SLC16A7: variants seen among roughly 807,000 people sequenced by gnomAD.
SLC16A7 encodes the protein monocarboxylate transporter 2.
In SLC16A7, 33 loss-of-function variants were observed where a neutral mutation model predicts 34.9. The observed-to-expected ratio is 0.94, with a 90% confidence interval of 0.72 to 1.26. The LOEUF is 1.26. Ranked by LOEUF, SLC16A7 falls within the 50% of genes most tolerant of loss-of-function variation. The pLI is 0.00. For missense variants in SLC16A7, 573 were observed against 578.1 expected, an observed-to-expected ratio of 0.99 and a Z score of 0.09; for synonymous variants, 201 against 206.6, an observed-to-expected ratio of 0.97 and a Z score of 0.23.
rs1165617996 is a variant in SLC16A7 at position 59,775,470 on chromosome 12, T to C, written c.1175T>C (p.Leu392Pro). 1.2e-6 allele frequency: 2 copies of C among 1,611,998 alleles called. No individual in the cohort carries two copies. The highest frequency in any genetic ancestry group is 2.7e-5 in the African/African-American group (2 of 74,842). ...ECGPVLLGPPLAGKLVDLTGE... is the reference protein window; with the variant it reads ...ECGPVLLGPPPAGKLVDLTGE... ...GGCCCAGTTCTTCTTGGCCCTCCTC[T>C]TGCAGGTAAGAACGTTTTTCATCAA... The change falls in exon 5 of 6, where the codon CTT becomes CCT. Residue 392 changes from leucine to proline, a missense_variant. By Grantham distance (98) the Leu-to-Pro change is moderately conservative (BLOSUM62 -3). Transcript: ENST00000547379.
intron 5 of SLC16A7, among the ~76,000 whole-genome samples, chr12:59,778,698 A>AATTT (rs1882993887): frequency 6.6e-6 from 1 of 152,134 alleles, no homozygotes; most frequent in Non-Finnish European, 1.5e-5. Flanking sequence ...TCACCTTAAT[A>AATTT]ATTTAGACTC....
intron 3 of SLC16A7, among the ~76,000 whole-genome samples, chr12:59,755,794 G>A (rs558720645): frequency 2.0e-4 from 31 of 152,202 alleles, no homozygotes; most frequent in South Asian, 1.7e-3. Context: ...AGCCCTCATC[G>A]CCAAGTCAAT....
At chr12:59,688,992 C>T (rs1023010446) in intron 2 of SLC16A7, among the ~76,000 whole-genome samples, 9 of 151,856 alleles carry the variant, frequency 5.9e-5, no homozygotes, top group Non-Finnish European at 1.0e-4. Flanking sequence ...ATTTTTTCTG[C>T]AATCCTTATC....
rs1883391964 is a variant in SLC16A7 at position 59,783,517 on chromosome 12, A to G, written c.*3838A>G. ...GAGGCCAGAGAAGCAAAGGAAGATAAAATATAGGTACAAAAAAGATACATC... is the reference window on the plus strand; with the variant it reads ...GAGGCCAGAGAAGCAAAGGAAGATAGAATATAGGTACAAAAAAGATACATC... On this transcript the variant is annotated 3_prime_UTR_variant, in exon 6 of 6. Coordinates refer to ENST00000547379, the MANE Select transcript of SLC16A7 (RefSeq NM_001270623.2). 6.6e-6 allele frequency: 1 copy of G among 152,196 alleles called. No homozygotes were observed. Among genetic ancestry groups the G allele is most frequent in the Admixed American group, 6.5e-5 (1 of 15,270 alleles). 9.4% of individuals were successfully genotyped at this position (152,196 alleles called of 1,614,324 possible). A position where few individuals can be genotyped will look rare whatever the true frequency, so the allele number is the denominator to read the frequency against.
At position 59,734,868 on chromosome 12, in the gene SLC16A7, A is replaced by G. The variant is rs139896411; in HGVS notation, c.217+29850A>G. The stretch of plus-strand genomic sequence containing the variant: ...GTAGTTTCATTAGGTATATAGCTAT[A>G]TTCTTTAAAATCTCATCCATTGCTA... On this transcript the variant is annotated intron_variant, in intron 3 of 5. Coordinates refer to ENST00000547379, the MANE Select transcript of SLC16A7 (RefSeq NM_001270623.2). Among the ~76,000 whole-genome samples, 215 of 152,360 alleles carry G rather than the reference A, an allele frequency of 1.4e-3. 1 individual carries two copies. Among genetic ancestry groups the G allele is most frequent in the Middle Eastern group, 6.8e-3 (2 of 294 alleles).
At chr12:59,732,310 C>T (rs527300384) in intron 3 of SLC16A7, among the ~76,000 whole-genome samples, 40 of 152,086 alleles carry the variant, frequency 2.6e-4, no homozygotes, top group African/African-American at 9.2e-4. Context: ...ATCCCAGCTA[C>T]TTGGGAGGCT....
At chr12:59,612,336 A>T (rs971887050) in intron 1 of SLC16A7, among the ~76,000 whole-genome samples, 1 of 152,016 alleles carries the variant, frequency 6.6e-6, no homozygotes, top group Non-Finnish European at 1.5e-5. Context: ...CTGTAACTTG[A>T]CCCCTTTTAG....
chr12:59,702,992 T>A (rs1275586157), intron 2 of SLC16A7, among the ~76,000 whole-genome samples: 2 of 152,106 alleles, frequency 1.3e-5, no homozygotes. Context: ...AAGGCTTTTA[T>A]TGAAACTAAA....
At chr12:59,636,219 C>G in intron 1 of SLC16A7, among the ~76,000 whole-genome samples, 1 of 152,018 alleles carries the variant, frequency 6.6e-6, no homozygotes, top group East Asian at 1.9e-4. Context: ...AATAAGAACA[C>G]TTTCTGTTTC....
At position 59,653,012 on chromosome 12, in the gene SLC16A7, A is replaced by T. The variant is rs1011898568; in HGVS notation, c.-129-2140A>T. The stretch of plus-strand genomic sequence containing the variant: ...TTTAAAAAATCTTTATTTGGTAGAC[A>T]TGATTATGGAACTGTCAAATTACTG... On this transcript the variant is annotated intron_variant, in intron 1 of 5. Coordinates refer to ENST00000547379, the MANE Select transcript of SLC16A7 (RefSeq NM_001270623.2). 2.6e-5 allele frequency among the ~76,000 whole-genome samples: 4 copies of T among 151,976 alleles called. No homozygotes were observed. In the East Asian group the frequency reaches 7.7e-4, roughly 29 times the overall value.
intron 1 of SLC16A7, among the ~76,000 whole-genome samples, chr12:59,636,985 C>A (rs1880458281): frequency 6.6e-6 from 1 of 152,088 alleles, no homozygotes; most frequent in Admixed American, 6.6e-5. Flanking sequence ...CCTTTCAGCT[C>A]ATTTCTTTGA....
chr12:59,758,175 A>G (rs2137374146), intron 3 of SLC16A7, among the ~76,000 whole-genome samples: 1 of 152,236 alleles, frequency 6.6e-6, no homozygotes, highest in South Asian at 2.1e-4. Flanking sequence ...ACAAAAAAAA[A>G]TTAGAAAAAA....
intron 1 of SLC16A7, among the ~76,000 whole-genome samples, chr12:59,623,620 A>G (rs1351526662): frequency 6.6e-6 from 1 of 151,662 alleles, no homozygotes; most frequent in African/African-American, 2.4e-5. Flanking sequence ...ATGATGTTTT[A>G]TCTATCAAAC....
At chr12:59,777,336 T>G (rs2137470256) in intron 5 of SLC16A7, among the ~76,000 whole-genome samples, 1 of 152,280 alleles carries the variant, frequency 6.6e-6, no homozygotes, top group Middle Eastern at 3.4e-3. Context: ...TGGCTTCTTC[T>G]CTATAGTATT....
At chr12:59,672,762 A>T (rs1869995473) in intron 2 of SLC16A7, among the ~76,000 whole-genome samples, 1 of 152,156 alleles carries the variant, frequency 6.6e-6, no homozygotes, top group Non-Finnish European at 1.5e-5. Context: ...CAAATAATCA[A>T]ATCTAAAGTG....
chr12:59,758,642 T>C (rs1880674563), intron 3 of SLC16A7, among the ~76,000 whole-genome samples: 1 of 152,172 alleles, frequency 6.6e-6, no homozygotes, highest in Non-Finnish European at 1.5e-5. Context: ...AGTTTATATG[T>C]ACATAATATG....
rs1056471932 is a variant in SLC16A7, at chr12:59,632,180, T to G, written c.-129-22972T>G. 3.8e-4 allele frequency among the ~76,000 whole-genome samples: 57 copies of G among 151,982 alleles called. 1 individual carries two copies. The highest frequency in any genetic ancestry group is 1.5e-5 in the Non-Finnish European group (1 of 67,942). On this transcript the variant is annotated intron_variant, in intron 1 of 5. Coordinates refer to ENST00000547379, the MANE Select transcript of SLC16A7 (RefSeq NM_001270623.2). The stretch of plus-strand genomic sequence containing the variant: ...AAGGAAAGGGTAGAATTAATTTAAC[T>G]TCATTGTATACAATGTAAATAGGAA...
intron 3 of SLC16A7, chr12:59,735,885 T>A (rs1260196504): frequency 9.1e-7 from 1 of 1,097,462 alleles, no homozygotes. Flanking sequence ...AAACTAACCT[T>A]TCAAATGGCC....
chr12:59,708,184 C>A (rs1298153954), intron 3 of SLC16A7, among the ~76,000 whole-genome samples: 1 of 151,986 alleles, frequency 6.6e-6, no homozygotes, highest in African/African-American at 2.4e-5. Context: ...GTCAGTTAAT[C>A]TAAGACACAG....
Sources: allele counts gnomAD v4.1 joint callset (sites outside exome capture counted in the v4.1 genomes callset), GRCh38; gene constraint gnomAD v4.1.1; transcripts MANE v1.5; gene names NCBI Gene and HGNC (gene_info 2026-07-23, HGNC 2026-07-21).